CALD1: variants seen among roughly 807,000 people sequenced by gnomAD.
CALD1 encodes caldesmon 1, also known as caldesmon.
CALD1 carries 33 observed loss-of-function variants against 99.9 expected under a neutral mutation model. The ratio of observed to expected loss-of-function variants is 0.33; its 90% CI spans 0.25 to 0.44. CALD1 has a LOEUF of 0.44. CALD1 is among the 20% of genes least tolerant of loss of function. The probability of loss-of-function intolerance (pLI) is 1.00; values close to 1 mark genes in which losing one functional copy is unlikely to be tolerated. For synonymous variants in CALD1, 310 were observed against 325.0 expected (o/e 0.95, Z 0.50); for missense variants, 861 against 962.1 (o/e 0.89, Z 1.39).
chr7:134,804,680 G>A (rs6467559), intron 1 of CALD1, among the ~76,000 whole-genome samples: 101,191 of 152,170 alleles, frequency 0.66, 33,972 homozygotes, highest in East Asian at 0.93. Flanking sequence ...ACATTTCTTA[G>A]AACTTAATTG....
At chr7:134,724,605 A>G in the CALD1 span, among the ~76,000 whole-genome samples, 3 of 152,206 alleles carry the variant, frequency 2.0e-5, no homozygotes, top group Non-Finnish European at 4.4e-5. Flanking sequence ...AGTTTAGCTA[A>G]ATCATATAGT....
chr7:134,890,875 A>G (rs1329159852), intron 3 of CALD1, among the ~76,000 whole-genome samples: 1 of 152,216 alleles, frequency 6.6e-6, no homozygotes, highest in Non-Finnish European at 1.5e-5. Context: ...ATCACTGAGC[A>G]GGGCCATCTC....
chr7:134,921,773 T>C (rs965386517), intron 3 of CALD1, among the ~76,000 whole-genome samples: 3 of 152,182 alleles, frequency 2.0e-5, no homozygotes, highest in African/African-American at 7.2e-5. Flanking sequence ...ATTGGGCCAC[T>C]GCACTCCAGT....
chr7:134,933,505 C>A lies in CALD1; in HGVS notation c.736C>A (p.Gln246Lys). 6.2e-7 allele frequency: 1 copy of A among 1,613,664 alleles called. No homozygotes were observed. Among genetic ancestry groups the A allele is most frequent in the African/African-American group, 1.3e-5 (1 of 74,870 alleles). Reference protein sequence around the residue: ...EEPKQEEEREQGSDEISHHEK... With the variant: ...EEPKQEEEREKGSDEISHHEK... ...GCCTAAACAAGAGGAGGAGAGGGAA[C>A]AAGGTTCAGATGAGATTTCCCATCA... Residue 246 changes from glutamine to lysine, a missense_variant, in exon 5 of 15, where the codon CAA becomes AAA. Around this residue, in one of 5 missense-constraint regions of CALD1, gnomAD observed 234 missense variants for 233.1 expected, o/e 1.00. Coordinates refer to ENST00000361675, the MANE Select transcript of CALD1 (RefSeq NM_033138.4).
At chr7:134,910,449 C>T (rs1803718905) in intron 3 of CALD1, among the ~76,000 whole-genome samples, 1 of 152,092 alleles carries the variant, frequency 6.6e-6, no homozygotes, top group South Asian at 2.1e-4. Flanking sequence ...ACAGACATTG[C>T]AAAAGGCCAA....
At chr7:134,857,869 C>G (rs185362799) in intron 2 of CALD1, among the ~76,000 whole-genome samples, 2 of 152,254 alleles carry the variant, frequency 1.3e-5, no homozygotes, top group East Asian at 3.9e-4. Context: ...AACAGCTTGT[C>G]CTTCACATAC....
chr7:134,726,430 ATT>A, the CALD1 span, among the ~76,000 whole-genome samples: 1 of 120,694 alleles, frequency 8.3e-6, no homozygotes, highest in African/African-American at 3.2e-5. Context: ...TATAATATAT[ATT>A]ATATAGCTTT....
At chr7:134,779,527 T>C (rs530626358), upstream of CALD1, 6 of 394,762 alleles carry the variant, frequency 1.5e-5, no homozygotes, top group South Asian at 7.0e-4. Flanking sequence ...GACAGGACAA[T>C]GCATACCACC....
intron 8 of CALD1, among the ~76,000 whole-genome samples, chr7:134,948,614 C>A (rs1199307672): frequency 6.6e-6 from 1 of 151,912 alleles, no homozygotes; most frequent in Non-Finnish European, 1.5e-5. Flanking sequence ...GTAAGGAGAC[C>A]CCGCTTTTCC....
At chr7:134,875,738 T>A (rs1801318081) in intron 3 of CALD1, among the ~76,000 whole-genome samples, 1 of 152,240 alleles carries the variant, frequency 6.6e-6, no homozygotes, top group South Asian at 2.1e-4. Flanking sequence ...AGCAATAGAC[T>A]AAACAAAGAC....
rs762919207 is a variant in CALD1 at position 134,867,766 on chromosome 7, A to C, written c.33A>C (p.Arg11Ser). The C allele has an allele frequency of 1.2e-6, 2 of 1,610,792 alleles. No homozygotes were observed. The highest frequency in any genetic ancestry group is 4.5e-5 in the East Asian group (2 of 44,824). Residue 11 changes from arginine to serine, a missense_variant, in exon 3 of 15, where the codon AGA (arginine) becomes AGC (serine). By Grantham distance (110) the Arg-to-Ser change is moderately radical. This residue lies in a region of CALD1 where 123 missense variants were observed against 169.8 expected (regional missense o/e 0.72). Transcript: ENST00000361675. MDDFERRREL[R>S]RQKREEMRLE... ...ATTTTGAGCGTCGCAGAGAACTTAG[A>C]AGGCAAAAGAGGGAGGAGATGCGAC...
At chr7:134,856,208 A>C (rs1414112440) in intron 2 of CALD1, among the ~76,000 whole-genome samples, 1 of 152,218 alleles carries the variant, frequency 6.6e-6, no homozygotes, top group East Asian at 1.9e-4. Context: ...TTTAGCGAGG[A>C]AACAGGCAGG....
the CALD1 span, among the ~76,000 whole-genome samples, chr7:134,732,379 T>TA: frequency 6.6e-6 from 1 of 152,216 alleles, no homozygotes; most frequent in South Asian, 2.1e-4. Context: ...CAATCACCAA[T>TA]ATGATAGTAT....
At chr7:134,814,387 T>C (rs930430571) in intron 1 of CALD1, among the ~76,000 whole-genome samples, 24 of 151,832 alleles carry the variant, frequency 1.6e-4, no homozygotes, top group African/African-American at 5.6e-4. Flanking sequence ...GCTGTGGGAG[T>C]AGGGGTTCCA....
chr7:134,870,379 C>A (rs1801011133), intron 3 of CALD1, among the ~76,000 whole-genome samples: 1 of 152,176 alleles, frequency 6.6e-6, no homozygotes, highest in African/African-American at 2.4e-5. Flanking sequence ...AACTAAAGTG[C>A]TGTGGTTAGA....
At chr7:134,802,944 T>C (rs1451644507) in intron 1 of CALD1, among the ~76,000 whole-genome samples, 1 of 152,214 alleles carries the variant, frequency 6.6e-6, no homozygotes, top group Non-Finnish European at 1.5e-5. Flanking sequence ...AATGTACATG[T>C]TTGTCTTTAC....
intron 3 of CALD1, among the ~76,000 whole-genome samples, chr7:134,877,756 A>G (rs1801417003): frequency 2.0e-5 from 3 of 152,174 alleles, no homozygotes; most frequent in Admixed American, 2.0e-4. Flanking sequence ...CTCTTTTCAT[A>G]TTGCATAATC....
chr7:134,965,617 T>C (rs1427929396), intron 14 of CALD1, among the ~76,000 whole-genome samples: 2 of 152,158 alleles, frequency 1.3e-5, no homozygotes, highest in African/African-American at 4.8e-5. Context: ...CAGTAGGACA[T>C]TCTCAATACA....
chr7:134,883,118 C>T (rs1403099780), intron 3 of CALD1, among the ~76,000 whole-genome samples: 7 of 152,132 alleles, frequency 4.6e-5, no homozygotes, highest in Non-Finnish European at 5.9e-5. Context: ...GAAGCACAAT[C>T]GAATAGCCTC....
Sources: gnomAD v4.1 joint callset for allele counts (sites outside exome capture counted in the v4.1 genomes callset) on GRCh38, gnomAD v4.1.1 for gene constraint, gnomAD v4.1.1 regional missense constraint, MANE v1.5 for transcripts, NCBI Gene and HGNC (gene_info 2026-07-23, HGNC 2026-07-21) for gene names.